The following C12orf42 variants were observed in gnomAD, a reference collection of about 807,000 sequenced individuals.
The protein encoded by C12orf42 is chromosome 12 open reading frame 42.
Under a neutral mutation model 21.6 loss-of-function variants are expected in C12orf42, and 25 were observed. The ratio of observed to expected loss-of-function variants is 1.16; its 90% CI spans 0.84 to 1.62. The LOEUF is 1.62. C12orf42 is among the 40% of genes most tolerant of loss of function. The pLI, the probability that C12orf42 is intolerant of heterozygous loss-of-function variation, is 0.00. For missense variants in C12orf42, 483 were observed against 459.3 expected, an observed-to-expected ratio of 1.05 and a Z score of -0.47; for synonymous variants, 174 against 175.0, an observed-to-expected ratio of 0.99 and a Z score of 0.05.
At chr12:103,087,799 T>G in the C12orf42 span, among the ~76,000 whole-genome samples, 1 of 152,222 alleles carries the variant, frequency 6.6e-6, no homozygotes, top group Non-Finnish European at 1.5e-5. Flanking sequence ...TCTCTAATAT[T>G]AGTGCACCAT....
intron 3 of C12orf42, among the ~76,000 whole-genome samples, chr12:103,386,395 C>T (rs929644049): frequency 6.6e-6 from 1 of 152,108 alleles, no homozygotes; most frequent in Non-Finnish European, 1.5e-5. Context: ...CTTATCAGTA[C>T]CCTTCTTGCT....
chr12:103,473,656 A>G (rs1953799597), intron 2 of C12orf42, among the ~76,000 whole-genome samples: 1 of 152,208 alleles, frequency 6.6e-6, no homozygotes, highest in Non-Finnish European at 1.5e-5. Flanking sequence ...TGCAAATGAG[A>G]TTAGTCTAAT....
chr12:103,535,514 G>C, the C12orf42 span, among the ~76,000 whole-genome samples: 1 of 152,022 alleles, frequency 6.6e-6, no homozygotes, highest in Admixed American at 6.6e-5. Context: ...GATCATGGGA[G>C]CCTTGTGTGC....
At chr12:103,154,410 A>G in the C12orf42 span, among the ~76,000 whole-genome samples, 2 of 152,186 alleles carry the variant, frequency 1.3e-5, no homozygotes, top group Non-Finnish European at 2.9e-5. Flanking sequence ...TCAGGTACCC[A>G]TCAGCATCAT....
chr12:103,221,787 G>A, the C12orf42 span, among the ~76,000 whole-genome samples: 1 of 152,058 alleles, frequency 6.6e-6, no homozygotes, highest in African/African-American at 2.4e-5. Context: ...CTTTTCCATT[G>A]TTCCTTGCAA....
intron 4 of C12orf42, among the ~76,000 whole-genome samples, chr12:103,363,471 A>G (rs1439510433): frequency 6.6e-6 from 1 of 152,132 alleles, no homozygotes; most frequent in Non-Finnish European, 1.5e-5. Context: ...GAATAGCACA[A>G]TTAATGGATT....
chr12:103,222,686 T>G, the C12orf42 span, among the ~76,000 whole-genome samples: 1 of 152,140 alleles, frequency 6.6e-6, no homozygotes, highest in South Asian at 2.1e-4. Context: ...CTTGAAATAC[T>G]TTCTATACAA....
chr12:103,379,019 T>A (rs778709676), intron 3 of C12orf42, among the ~76,000 whole-genome samples: 1 of 151,970 alleles, frequency 6.6e-6, no homozygotes. Context: ...CACACACACA[T>A]AGACACTTAG....
the C12orf42 span, among the ~76,000 whole-genome samples, chr12:103,103,865 A>G: frequency 6.7e-6 from 1 of 149,696 alleles, no homozygotes; most frequent in Non-Finnish European, 1.5e-5. Flanking sequence ...CAGTGGTGCG[A>G]TCGCGGCTCA....
chr12:103,188,811 G>A, the C12orf42 span, among the ~76,000 whole-genome samples: 1 of 152,192 alleles, frequency 6.6e-6, no homozygotes, highest in Non-Finnish European at 1.5e-5. Context: ...CACGATTCCT[G>A]AAAAATCTTT....
intron 4 of C12orf42, among the ~76,000 whole-genome samples, chr12:103,336,677 AC>A (rs1366885589): frequency 6.6e-6 from 1 of 152,222 alleles, no homozygotes; most frequent in Admixed American, 6.5e-5. Flanking sequence ...CTGTTAATAA[AC>A]ACTGACCAAG....
At chr12:103,154,626 G>A in the C12orf42 span, among the ~76,000 whole-genome samples, 2 of 151,936 alleles carry the variant, frequency 1.3e-5, no homozygotes, top group African/African-American at 4.8e-5. Flanking sequence ...AATAATAATA[G>A]CAACTGTTTT....
At chr12:103,224,610 A>T in the C12orf42 span, among the ~76,000 whole-genome samples, 1 of 152,228 alleles carries the variant, frequency 6.6e-6, no homozygotes, top group African/African-American at 2.4e-5. Context: ...GGACTTAAAG[A>T]GTGAGTACAG....
chr12:103,485,889 T>A (rs1003137640), intron 1 of C12orf42, among the ~76,000 whole-genome samples: 1 of 152,206 alleles, frequency 6.6e-6, no homozygotes, highest in African/African-American at 2.4e-5. Context: ...TGATGGGGTT[T>A]TCTAGATATA....
At chr12:103,284,585 G>A (rs1411688092) in intron 4 of C12orf42, among the ~76,000 whole-genome samples, 1 of 152,122 alleles carries the variant, frequency 6.6e-6, no homozygotes, top group Admixed American at 6.6e-5. Flanking sequence ...TTTTACCCAA[G>A]GTTATTAAAA....
the C12orf42 span, among the ~76,000 whole-genome samples, chr12:103,098,508 G>T: frequency 4.6e-5 from 7 of 152,088 alleles, no homozygotes; most frequent in Non-Finnish European, 1.0e-4. Flanking sequence ...TTTAATAACT[G>T]CAAAAACAAT....
the C12orf42 span, among the ~76,000 whole-genome samples, chr12:103,156,401 A>G: frequency 2.6e-5 from 4 of 152,266 alleles, no homozygotes; most frequent in Middle Eastern, 3.4e-3. Flanking sequence ...TTTGTTCTCA[A>G]TGTGGGTGCA....
the C12orf42 span, among the ~76,000 whole-genome samples, chr12:103,145,460 T>TA: frequency 6.6e-6 from 1 of 152,172 alleles, no homozygotes; most frequent in Non-Finnish European, 1.5e-5. Context: ...TTGACCAACA[T>TA]AAAAATAGAA....
At position 103,391,663 on chromosome 12, in the gene C12orf42, C is replaced by G. The variant is rs149601124; in HGVS notation, c.147+9944G>C. 2.1e-3 allele frequency among the ~76,000 whole-genome samples: 313 copies of G among 150,656 alleles called. 1 individual carries two copies. The highest frequency in any genetic ancestry group is 7.2e-3 in the African/African-American group (295 of 41,156). On this transcript the variant is annotated intron_variant, in intron 3 of 5. Coordinates refer to ENST00000548883, the MANE Select transcript of C12orf42 (RefSeq NM_198521.5). Reference sequence around the variant, plus strand: ...TTCTTCATATATTCTGGATATTAACCATATATATCATATATACTAATCACA... The same window carrying G: ...TTCTTCATATATTCTGGATATTAACGATATATATCATATATACTAATCACA...
Sources: allele counts gnomAD v4.1 joint callset (sites outside exome capture counted in the v4.1 genomes callset), GRCh38; gene constraint gnomAD v4.1.1; transcripts MANE v1.5; gene names NCBI Gene and HGNC (gene_info 2026-07-23, HGNC 2026-07-21).